Variants in FHOD3 observed in about 807,000 individuals in gnomAD.
FHOD3 encodes formin homology 2 domain containing 3.
In FHOD3, 90 loss-of-function variants were observed where a neutral mutation model predicts 173.0. The observed-to-expected ratio is 0.52, with a 90% CI of 0.44 to 0.62. FHOD3 has a LOEUF of 0.62. FHOD3 is among the 20% of genes least tolerant of loss of function. The pLI is 0.00. For synonymous variants in FHOD3, 828 were observed against 823.0 expected (o/e 1.01, Z -0.10); for missense variants, 1,945 against 2,034.7 (o/e 0.96, Z 0.85).
chr18:36,585,701 A>G (rs1468038510), intron 6 of FHOD3, among the ~76,000 whole-genome samples: 3 of 152,276 alleles, frequency 2.0e-5, no homozygotes, highest in Non-Finnish European at 2.9e-5. Flanking sequence ...ACTTACAAAG[A>G]CATTATTTTT....
intron 14 of FHOD3, among the ~76,000 whole-genome samples, chr18:36,662,431 AC>A (rs1357045273): frequency 6.6e-6 from 1 of 152,062 alleles, no homozygotes; most frequent in Non-Finnish European, 1.5e-5. Flanking sequence ...CTGTGCTGAA[AC>A]CCAAAGGATC....
intron 27 of FHOD3, among the ~76,000 whole-genome samples, chr18:36,767,539 C>T (rs775173891): frequency 3.9e-5 from 6 of 152,050 alleles, no homozygotes; most frequent in Admixed American, 6.6e-5. Context: ...AGGCTGTTCT[C>T]GAACTCCTGA....
chr18:36,511,368 TC>T (rs66632620), intron 4 of FHOD3, among the ~76,000 whole-genome samples: 1,597 of 150,668 alleles, frequency 0.011, 29 homozygotes, highest in Non-Finnish European at 0.016. Flanking sequence ...TTTTTTTTTT[TC>T]TTTTCTTTTC....
intron 1 of FHOD3, among the ~76,000 whole-genome samples, chr18:36,333,487 T>A (rs1387921799): frequency 6.6e-6 from 1 of 152,246 alleles, no homozygotes; most frequent in African/African-American, 2.4e-5. Context: ...AATTCTGCCT[T>A]TTTGGGTTTA....
At chr18:36,772,307 A>G (rs1159150036) in intron 28 of FHOD3, among the ~76,000 whole-genome samples, 1 of 152,264 alleles carries the variant, frequency 6.6e-6, no homozygotes, top group African/African-American at 2.4e-5. Context: ...TAAAGGGATG[A>G]TAAACTCCAG....
chr18:36,579,522 G>T (rs915802346), intron 6 of FHOD3, among the ~76,000 whole-genome samples: 1 of 152,094 alleles, frequency 6.6e-6, no homozygotes, highest in African/African-American at 2.4e-5. Context: ...AAATTTTTGT[G>T]GTGTAAACGT....
intron 2 of FHOD3, among the ~76,000 whole-genome samples, chr18:36,364,442 T>C (rs576478512): frequency 2.0e-5 from 3 of 152,288 alleles, no homozygotes; most frequent in South Asian, 4.1e-4. Context: ...CATATGATTT[T>C]GGCCAGACGC....
chr18:36,677,882 T>C (rs1480037795), intron 14 of FHOD3, among the ~76,000 whole-genome samples: 2 of 152,208 alleles, frequency 1.3e-5, no homozygotes, highest in African/African-American at 4.8e-5. Context: ...TGATATAGCT[T>C]TCATTTGGGT....
chr18:36,348,068 A>G (rs1223255078), intron 1 of FHOD3, among the ~76,000 whole-genome samples: 1 of 152,202 alleles, frequency 6.6e-6, no homozygotes, highest in African/African-American at 2.4e-5. Flanking sequence ...AGTTAGAATG[A>G]TTGAACCGAG....
chr18:36,625,813 G>A, intron 10 of FHOD3, 64 bp downstream of exon 10: 1 of 1,358,014 alleles, frequency 7.4e-7, no homozygotes, highest in Non-Finnish European at 1.0e-6. Context: ...GCCCACAGGT[G>A]CCTGCCACTC....
chr18:36,661,129 A>C (rs1378349989), intron 14 of FHOD3, among the ~76,000 whole-genome samples: 2 of 152,154 alleles, frequency 1.3e-5, no homozygotes, highest in Non-Finnish European at 2.9e-5. Flanking sequence ...GGGGAAAAAA[A>C]AAAAGAAATA....
At chr18:36,761,840 TC>T (rs2042894826) in intron 27 of FHOD3, among the ~76,000 whole-genome samples, 1 of 152,102 alleles carries the variant, frequency 6.6e-6, no homozygotes. Context: ...TATAATCTTG[TC>T]CAAGCTGGGA....
At chr18:36,301,624 G>C (rs1183570723) in intron 1 of FHOD3, among the ~76,000 whole-genome samples, 1 of 152,080 alleles carries the variant, frequency 6.6e-6, no homozygotes, top group Non-Finnish European at 1.5e-5. Flanking sequence ...GTTTATTTCT[G>C]GCTTAATATT....
intron 1 of FHOD3, among the ~76,000 whole-genome samples, chr18:36,316,006 G>A (rs2044100493): frequency 6.6e-6 from 1 of 151,924 alleles, no homozygotes; most frequent in South Asian, 2.1e-4. Context: ...TAATCCTCGG[G>A]GAGTGGGAGG....
chr18:36,461,338 A>AT (rs1052630233), intron 3 of FHOD3, among the ~76,000 whole-genome samples: 1 of 151,962 alleles, frequency 6.6e-6, no homozygotes. Context: ...GACTGAAAGG[A>AT]TTTTTTTCAT....
intron 4 of FHOD3, among the ~76,000 whole-genome samples, chr18:36,509,426 C>CAA (rs34772691): frequency 0.03 from 1,618 of 54,532 alleles, 146 homozygotes; most frequent in African/African-American, 0.11. Context: ...GACTCCATCT[C>CAA]AAAAAAAAAA....
intron 18 of FHOD3, among the ~76,000 whole-genome samples, chr18:36,714,863 G>C (rs939987900): frequency 6.6e-6 from 1 of 152,174 alleles, no homozygotes; most frequent in Non-Finnish European, 1.5e-5. Context: ...CCCCTGGTCA[G>C]GTTAAGCCAT....
intron 6 of FHOD3, among the ~76,000 whole-genome samples, chr18:36,590,260 T>G (rs899379204): frequency 6.6e-6 from 1 of 152,158 alleles, no homozygotes; most frequent in Non-Finnish European, 1.5e-5. Flanking sequence ...AGCAGTGTCT[T>G]TGGACTTGGA....
At chr18:36,625,820 A>G (rs1315074820) in intron 10 of FHOD3, 71 bp downstream of exon 10, 3 of 1,301,662 alleles carry the variant, frequency 2.3e-6, no homozygotes, top group Non-Finnish European at 3.1e-6. Flanking sequence ...GGTGCCTGCC[A>G]CTCTCCCCTC....
Sources: allele counts gnomAD v4.1 joint callset (sites outside exome capture counted in the v4.1 genomes callset), GRCh38; gene constraint gnomAD v4.1.1; transcripts MANE v1.5; gene names NCBI Gene and HGNC (gene_info 2026-07-23, HGNC 2026-07-21).